The following RFTN1 variants were observed in gnomAD, a reference collection of about 807,000 sequenced individuals.
The protein encoded by RFTN1 is raftlin.
Under a neutral mutation model 46.5 loss-of-function variants are expected in RFTN1, and 26 were observed. The observed-to-expected ratio is 0.56, with a 90% CI of 0.41 to 0.78. The LOEUF is 0.78. Among genes scored for constraint, RFTN1 ranks in the 30% least tolerant of loss-of-function variants. The pLI, the probability that RFTN1 is intolerant of heterozygous loss-of-function variation, is 0.00. For missense variants in RFTN1, 693 were observed against 718.7 expected, an observed-to-expected ratio of 0.96 and a Z score of 0.41; for synonymous variants, 261 against 284.2, an observed-to-expected ratio of 0.92 and a Z score of 0.82.
At chr3:16,434,393 C>CAAACAAAAAA (rs1553595785) in intron 2 of RFTN1, among the ~76,000 whole-genome samples, 1 of 113,428 alleles carries the variant, frequency 8.8e-6, no homozygotes, top group East Asian at 2.5e-4. Context: ...AACAAACAAA[C>CAAACAAAAAA]AAAAACAAAA....
At chr3:16,420,889 A>G (rs2075170644) in intron 3 of RFTN1, among the ~76,000 whole-genome samples, 1 of 152,250 alleles carries the variant, frequency 6.6e-6, no homozygotes. Context: ...AGGTCTGGGT[A>G]GGCCTGAGAG....
In RFTN1 at chr3:16,460,711, G is replaced by A. The variant is rs2075994172; in HGVS notation, c.146-26674C>T. ...TAACGCAAGAGACACGTGAGCAGAC[G>A]TCACTTGAGCCTCATTTTCCATGCC... On this transcript the variant is annotated intron_variant, in intron 2 of 9. Coordinates refer to ENST00000334133, the MANE Select transcript of RFTN1 (RefSeq NM_015150.2). The surrounding 1 kb of genome is among the most constrained non-coding windows in gnomAD (Gnocchi z 4.8). Among the ~76,000 whole-genome samples the A allele has an allele frequency of 6.6e-6, 1 of 152,148 alleles. No individual in the cohort carries two copies. The highest frequency in any genetic ancestry group is 1.5e-5 in the Non-Finnish European group (1 of 68,036).
Position 16,512,860 on chromosome 3 carries a change from T to A in RFTN1, c.-9+582A>T, listed in dbSNP as rs1693721757. ...CTGTGCTTCTGGTGGTTCCGGCGCT[T>A]CCTCGGAGCGCGCGGCATGTCTGCT... On this transcript the variant is annotated intron_variant, in intron 1 of 9. Coordinates refer to ENST00000334133, the MANE Select transcript of RFTN1 (RefSeq NM_015150.2). This position sits in a 1 kb window ranked among gnomAD's most constrained non-coding sequence, Gnocchi z 4.3. 1 of 152,178 alleles carries A rather than the reference T, an allele frequency of 6.6e-6. No individual in the cohort carries two copies. The highest frequency in any genetic ancestry group is 1.5e-5 in the Non-Finnish European group (1 of 68,068). The allele number at this position is 152,178 out of a possible 1,614,324, so 9.4% of individuals were successfully genotyped here.
intron 2 of RFTN1, among the ~76,000 whole-genome samples, chr3:16,445,823 A>G (rs1025748436): frequency 1.3e-5 from 2 of 152,182 alleles, no homozygotes; most frequent in Non-Finnish European, 2.9e-5. Flanking sequence ...GGCTCAAAGT[A>G]TATTTCCATT....
chr3:16,367,253 A>G (rs2073243750), intron 6 of RFTN1, among the ~76,000 whole-genome samples: 1 of 152,102 alleles, frequency 6.6e-6, no homozygotes, highest in South Asian at 2.1e-4. Context: ...CACTAGAAAT[A>G]GGTTCCTCTT....
At chr3:16,364,996 C>G (rs1163169802) in intron 6 of RFTN1, among the ~76,000 whole-genome samples, 1 of 152,224 alleles carries the variant, frequency 6.6e-6, no homozygotes, top group African/African-American at 2.4e-5. Context: ...ATCCTATGAT[C>G]TGTACAGTTT....
At chr3:16,510,836 G>T (rs571417274) in intron 1 of RFTN1, among the ~76,000 whole-genome samples, 1 of 152,310 alleles carries the variant, frequency 6.6e-6, no homozygotes, top group East Asian at 1.9e-4. Flanking sequence ...GTTCACGGCA[G>T]CTTTGTTCAC....
chr3:16,332,173 T>A (rs1025886262), intron 7 of RFTN1, among the ~76,000 whole-genome samples: 5 of 152,120 alleles, frequency 3.3e-5, no homozygotes, highest in African/African-American at 1.2e-4. Context: ...GAAAAATGTA[T>A]TTTTCCCCCC....
intron 7 of RFTN1, among the ~76,000 whole-genome samples, chr3:16,355,199 T>C (rs939411501): frequency 6.6e-6 from 1 of 152,218 alleles, no homozygotes; most frequent in Non-Finnish European, 1.5e-5. Context: ...TCTTCCAGCG[T>C]CTACCCATTA....
At chr3:16,416,773 A>T (rs1401193995) in intron 3 of RFTN1, among the ~76,000 whole-genome samples, 1 of 152,222 alleles carries the variant, frequency 6.6e-6, no homozygotes, top group African/African-American at 2.4e-5. Context: ...GAAAAAGACC[A>T]GGGATAATGA....
rs556173570 is a variant in RFTN1, at chr3:16,449,788, T to C, written c.146-15751A>G. ...GACAAAAGCCATGCTGACAGACTGC[T>C]GCCTCTGATTTGCACTGAACTCCAC... On this transcript the variant is annotated intron_variant, in intron 2 of 9. Transcript: ENST00000334133. This position sits in a 1 kb window ranked among gnomAD's most constrained non-coding sequence, Gnocchi z 5.1. Among the ~76,000 whole-genome samples, 53 of 152,340 alleles carry C rather than the reference T, an allele frequency of 3.5e-4. No homozygotes were observed. The highest frequency in any genetic ancestry group is 1.3e-3 in the African/African-American group (52 of 41,576).
chr3:16,367,401 A>G (rs1039423573), intron 6 of RFTN1, among the ~76,000 whole-genome samples: 2 of 152,046 alleles, frequency 1.3e-5, no homozygotes, highest in East Asian at 3.9e-4. Context: ...TCCCAGTCAT[A>G]CTCTCCCTCC....
intron 4 of RFTN1, among the ~76,000 whole-genome samples, chr3:16,408,495 GA>G (rs1276470231): frequency 6.6e-6 from 1 of 151,216 alleles, no homozygotes; most frequent in Non-Finnish European, 1.5e-5. Flanking sequence ...GGGTAAGAGA[GA>G]ACAAGATAAG....
chr3:16,438,532 C>G (rs2075558974), intron 2 of RFTN1, among the ~76,000 whole-genome samples: 1 of 120,070 alleles, frequency 8.3e-6, no homozygotes, highest in South Asian at 2.8e-4. Context: ...TTGCAGTGAG[C>G]TGAAATCGTG....
chr3:16,486,530 GAA>G (rs1442812471), intron 2 of RFTN1, among the ~76,000 whole-genome samples: 2 of 152,202 alleles, frequency 1.3e-5, no homozygotes, highest in Non-Finnish European at 2.9e-5. Context: ...TCCTCTTCGT[GAA>G]AAGATTATCT....
chr3:16,433,772 C>T lies in RFTN1; in HGVS notation c.332+79G>A, dbSNP rs2075441059. 2.0e-6 allele frequency: 3 copies of T among 1,471,432 alleles called. No homozygotes were observed. The East Asian group carries it at 6.8e-5, about 33-fold the overall frequency. The allele number at this position is 1,471,432 out of a possible 1,614,324, so 91.1% of individuals were successfully genotyped here. Reference sequence around the variant, plus strand: ...GCATGCAAATTTCAACCCCCAACCCCATCCTCTCACTTCCCCTCCTCTATT... The same window carrying T: ...GCATGCAAATTTCAACCCCCAACCCTATCCTCTCACTTCCCCTCCTCTATT... On this transcript the variant is annotated intron_variant, in intron 3 of 9. Transcript: ENST00000334133. The surrounding 1 kb of genome is among the most constrained non-coding windows in gnomAD (Gnocchi z 4.4).
At position 16,370,046 on chromosome 3, in the gene RFTN1, C is replaced by T; in HGVS notation, c.1030+30G>A. 1 of 1,601,866 alleles carries T rather than the reference C, an allele frequency of 6.2e-7. No individual in the cohort carries two copies. The highest frequency in any genetic ancestry group is 8.6e-7 in the Non-Finnish European group (1 of 1,168,868). On this transcript the variant is annotated intron_variant, in intron 6 of 9. Transcript: ENST00000334133. This position sits in a 1 kb window ranked among gnomAD's most constrained non-coding sequence, Gnocchi z 5.5. ...AGTTAGAAGCAGAGTTCACAAAGGG[C>T]CACCCAAGGACTGTGAATTCCAAAC...
chr3:16,398,244 C>CAAAAAAAAAA lies in RFTN1; in HGVS notation c.441+11121_441+11130dup, dbSNP rs202032095. Among the ~76,000 whole-genome samples, 303 of 110,842 alleles carry CAAAAAAAAAA rather than the reference C, an allele frequency of 2.7e-3. 11 individuals carry two copies. The highest frequency in any genetic ancestry group is 4.7e-3 in the Non-Finnish European group (223 of 47,790). The allele number at this position is 110,842 out of a possible 152,430, so 72.7% of individuals were successfully genotyped here. On this transcript the variant is annotated intron_variant, in intron 4 of 9. Coordinates refer to ENST00000334133, the MANE Select transcript of RFTN1 (RefSeq NM_015150.2). ...CCTGGGTGACAGAGAAAGACTGTCTCAAAAAAAAAAAAAAAAAAAAAAAAA... is the reference window on the plus strand; with the variant it reads ...CCTGGGTGACAGAGAAAGACTGTCTCAAAAAAAAAAAAAAAAAAAAAAAAAAAAAAAAAAA...
rs1190245036 is a variant in RFTN1, at chr3:16,425,667, G to A, written c.332+8184C>T. Among the ~76,000 whole-genome samples the A allele has an allele frequency of 6.6e-6, 1 of 152,018 alleles. No homozygotes were observed. On this transcript the variant is annotated intron_variant, in intron 3 of 9. Coordinates refer to ENST00000334133, the MANE Select transcript of RFTN1 (RefSeq NM_015150.2). The surrounding 1 kb of genome is among the most constrained non-coding windows in gnomAD (Gnocchi z 4.3). ...GCAAGCCATTTAGGAGTGTGGATTGGAAAAAATTCTTTCCCCCAAGAGAAG... is the reference window on the plus strand; with the variant it reads ...GCAAGCCATTTAGGAGTGTGGATTGAAAAAAATTCTTTCCCCCAAGAGAAG...
Sources: gnomAD v4.1 joint callset for allele counts (sites outside exome capture counted in the v4.1 genomes callset) on GRCh38, gnomAD v4.1.1 for gene constraint, Gnocchi (gnomAD v3.1) non-coding constraint, MANE v1.5 for transcripts, NCBI Gene and HGNC (gene_info 2026-07-23, HGNC 2026-07-21) for gene names.